The following RBBP7 variants were observed in gnomAD, a reference collection of about 807,000 sequenced individuals.
RBBP7 encodes the protein RB binding protein 7, chromatin remodeling factor, also known as histone-binding protein RBBP7.
Under a neutral mutation model 35.2 loss-of-function variants are expected in RBBP7, and 5 were observed. That is an observed-to-expected ratio of 0.14 (90% CI 0.07 to 0.30). The LOEUF (loss-of-function observed/expected upper bound fraction) is 0.30. RBBP7 is among the 10% of genes least tolerant of loss of function. The pLI, the probability that RBBP7 is intolerant of heterozygous loss-of-function variation, is 1.00. For missense variants in RBBP7, 155 were observed against 327.5 expected (o/e 0.47, Z 4.07); for synonymous variants, 140 against 118.7 (o/e 1.18, Z -1.17).
intron 1 of RBBP7, 147 bp downstream of exon 1, chrX:16,869,891 G>A (rs1333365584): frequency 7.9e-5 from 62 of 786,892 alleles, no homozygotes; most frequent in Non-Finnish European, 9.2e-5. Context: ...TCCCGCGCAG[G>A]CCCCTCGAGG....
chrX:16,857,973 A>T (rs114274916), intron 4 of RBBP7, among the ~76,000 whole-genome samples: 2 of 110,998 alleles, frequency 1.8e-5, no homozygotes, highest in East Asian at 2.8e-4. Context: ...GCAACCCCCC[A>T]ATTTTTTAGA....
chrX:16,858,941 G>C, intron 3 of RBBP7, 92 bp from the exon 4 acceptor site: 2 of 1,111,830 alleles, frequency 1.8e-6, no homozygotes, highest in Non-Finnish European at 2.4e-6. Context: ...TTTTGACCTG[G>C]CAGAATACAA....
chrX:16,867,073 A>T (rs1316539457), intron 2 of RBBP7, among the ~76,000 whole-genome samples: 1 of 112,385 alleles, frequency 8.9e-6, no homozygotes, highest in Admixed American at 9.4e-5. Context: ...AAACAGAGCT[A>T]TTTCAATCCT....
intron 2 of RBBP7, among the ~76,000 whole-genome samples, chrX:16,868,126 C>T (rs1358384873): frequency 1.8e-5 from 2 of 111,912 alleles, no homozygotes; most frequent in Non-Finnish European, 3.8e-5. Flanking sequence ...CACGGTCTCA[C>T]TCTGTTGGCT....
intron 6 of RBBP7, 122 bp downstream of exon 6, chrX:16,853,560 A>T: frequency 1.6e-6 from 1 of 618,913 alleles, no homozygotes; most frequent in Non-Finnish European, 2.3e-6. Flanking sequence ...GGAGTAAGCT[A>T]CCTAAAGCTG....
intron 2 of RBBP7, among the ~76,000 whole-genome samples, chrX:16,865,600 A>C (rs778081770): frequency 4.5e-5 from 5 of 112,024 alleles, no homozygotes; most frequent in Non-Finnish European, 7.5e-5. Flanking sequence ...TAAACTAATC[A>C]ATATGACACT....
At chrX:16,869,780 G>A (rs1164279902) in intron 1 of RBBP7, 6 of 942,606 alleles carry the variant, frequency 6.4e-6, no homozygotes, top group Non-Finnish European at 6.6e-6. Context: ...GGGCGCCGGA[G>A]GGAGCGCAGC....
At chrX:16,862,912 A>T in intron 3 of RBBP7, 43 bp downstream of exon 3, 1 of 1,179,456 alleles carries the variant, frequency 8.5e-7, no homozygotes, top group Non-Finnish European at 1.1e-6. Flanking sequence ...TGAAAGAGAC[A>T]TTTTCCCTTT....
At chrX:16,854,259 T>C (rs1039535112) in intron 5 of RBBP7, among the ~76,000 whole-genome samples, 1 of 111,448 alleles carries the variant, frequency 9.0e-6, no homozygotes, top group South Asian at 3.7e-4. Flanking sequence ...CTATATAAGT[T>C]TGAGGTAAAC....
chrX:16,865,368 G>A (rs4828540), intron 2 of RBBP7, among the ~76,000 whole-genome samples: 52,491 of 110,975 alleles, frequency 0.47, 9,219 homozygotes, highest in East Asian at 0.85. Flanking sequence ...TTGTGGAGTT[G>A]AGCAGGAAAA....
intron 3 of RBBP7, among the ~76,000 whole-genome samples, chrX:16,862,676 C>A (rs1291430443): frequency 1.8e-5 from 2 of 111,542 alleles, no homozygotes; most frequent in Admixed American, 1.9e-4. Flanking sequence ...AGCCATGGCA[C>A]CTGGCCTTTC....
intron 3 of RBBP7, among the ~76,000 whole-genome samples, chrX:16,859,487 T>C (rs995027203): frequency 3.6e-5 from 4 of 112,318 alleles, no homozygotes; most frequent in Non-Finnish European, 5.6e-5. Flanking sequence ...AAAGGCCTTG[T>C]AAAGTAACAA....
chrX:16,858,930 A>T (rs1234122557), intron 3 of RBBP7, 81 bp from the exon 4 acceptor site: 1 of 1,137,016 alleles, frequency 8.8e-7, no homozygotes, highest in Non-Finnish European at 1.2e-6. Flanking sequence ...AACCTAACAG[A>T]TTTTGACCTG....
intron 2 of RBBP7, among the ~76,000 whole-genome samples, chrX:16,864,844 T>C (rs892259688): frequency 3.6e-5 from 4 of 110,091 alleles, no homozygotes; most frequent in Non-Finnish European, 7.6e-5. Flanking sequence ...TGCCCACTTA[T>C]TTTTAACCAG....
At chrX:16,858,915 C>G in intron 3 of RBBP7, 66 bp from the exon 4 acceptor site, 2 of 1,161,098 alleles carry the variant, frequency 1.7e-6, no homozygotes, top group Non-Finnish European at 2.3e-6. Context: ...TCACTTAGTT[C>G]AATCAACCTA....
intron 5 of RBBP7, among the ~76,000 whole-genome samples, chrX:16,854,498 T>G (rs1233078786): frequency 9.0e-6 from 1 of 110,966 alleles, no homozygotes; most frequent in East Asian, 2.8e-4. Flanking sequence ...CAGCATCTAC[T>G]GAACACAAAT....
chrX:16,864,809 C>T (rs1930569718), intron 2 of RBBP7, among the ~76,000 whole-genome samples: 2 of 110,018 alleles, frequency 1.8e-5, no homozygotes, highest in Admixed American at 1.9e-4. Context: ...GCTGGGACTA[C>T]AGATGTGTGC....
At chrX:16,853,887 G>A in intron 5 of RBBP7, 45 bp from the exon 6 acceptor site, 1 of 963,852 alleles carries the variant, frequency 1.0e-6, no homozygotes, top group Non-Finnish European at 1.3e-6. Flanking sequence ...GGCTATAAGA[G>A]ACTGATTTTT....
rs775758218 is a variant in RBBP7, at chrX:16,869,065, G to A, written c.161+11C>T. On this transcript the variant is annotated intron_variant, in intron 2 of 11. Coordinates refer to ENST00000380087, the MANE Select transcript of RBBP7 (RefSeq NM_002893.4). Reference sequence around the variant, plus strand: ...AATTTAAACAAAATAAAAGTTGCCAGAAACCCTTACTTAGTCACTTCAGGA... The same window carrying A: ...AATTTAAACAAAATAAAAGTTGCCAAAAACCCTTACTTAGTCACTTCAGGA... 2 of 1,187,534 alleles carry A rather than the reference G, an allele frequency of 1.7e-6. No individual in the cohort carries two copies. The highest frequency in any genetic ancestry group is 5.9e-5 in the East Asian group (2 of 33,720).
Sources: gnomAD v4.1 joint callset for allele counts (sites outside exome capture counted in the v4.1 genomes callset) on GRCh38, gnomAD v4.1.1 for gene constraint, MANE v1.5 for transcripts, NCBI Gene and HGNC (gene_info 2026-07-23, HGNC 2026-07-21) for gene names.